DNAH5: variants seen among roughly 807,000 people sequenced by gnomAD.
The protein encoded by DNAH5 is axonemal beta dynein heavy chain 5.
A neutral mutation model predicts 518.2 loss-of-function variants in DNAH5; 372 were observed. The observed-to-expected ratio is 0.72, with a 90% CI of 0.66 to 0.78. The LOEUF is 0.78. DNAH5 is among the 30% of genes least tolerant of loss of function. DNAH5 has a pLI of 0.00. For synonymous variants in DNAH5, 2,039 were observed against 2,025.9 expected (o/e 1.01, Z -0.17); for missense variants, 5,523 against 5,687.0 (o/e 0.97, Z 0.93).
At chr5:13,747,864 C>T (rs1421060211) in intron 65 of DNAH5, among the ~76,000 whole-genome samples, 1 of 152,174 alleles carries the variant, frequency 6.6e-6, no homozygotes, top group South Asian at 2.1e-4. Context: ...GTTTCTTTTG[C>T]TGTGCAGAAG....
At position 13,692,035 on chromosome 5, in the gene DNAH5, G is replaced by A; in HGVS notation, c.13824C>T (p.Thr4608=). 1 of 1,614,080 alleles carries A rather than the reference G, an allele frequency of 6.2e-7. No individual in the cohort carries two copies. Among genetic ancestry groups the A allele is most frequent in the Non-Finnish European group, 8.5e-7 (1 of 1,179,998 alleles). The change falls in exon 79 of 79, where the codon ACC becomes ACT. Residue 4608 remains threonine (T), a synonymous_variant. Transcript: ENST00000265104. ...IAAVDLRTAQ[T]PEHWVLRGVA... The stretch of plus-strand genomic sequence containing the variant: ...CCCCACGGAGCACCCAGTGTTCAGG[G>A]GTCTGGGCTGTCCTGAGATCCACAG...
chr5:13,893,167 A>T (rs1282266094), intron 16 of DNAH5, among the ~76,000 whole-genome samples: 6 of 152,222 alleles, frequency 3.9e-5, no homozygotes, highest in African/African-American at 1.4e-4. Context: ...CAAGCTCTTG[A>T]CAATTTACAT....
At chr5:13,773,738 A>G (rs1374679640) in intron 55 of DNAH5, among the ~76,000 whole-genome samples, 1 of 152,200 alleles carries the variant, frequency 6.6e-6, no homozygotes, top group Non-Finnish European at 1.5e-5. Context: ...AATCCCAAGA[A>G]GAAAAAGCAC....
intron 44 of DNAH5, among the ~76,000 whole-genome samples, chr5:13,810,773 CAAAA>C (rs890785984): frequency 6.8e-6 from 1 of 146,648 alleles, no homozygotes; most frequent in Non-Finnish European, 1.5e-5. Context: ...AACAAACAAA[CAAAA>C]AAACAGGGTT....
At chr5:13,943,133 T>A (rs556347579) in intron 1 of DNAH5, among the ~76,000 whole-genome samples, 2 of 152,286 alleles carry the variant, frequency 1.3e-5, no homozygotes, top group African/African-American at 2.4e-5. Context: ...ATACCTGAGA[T>A]TTTATCATCA....
At chr5:13,853,526 C>T (rs540972136) in intron 30 of DNAH5, among the ~76,000 whole-genome samples, 4 of 151,976 alleles carry the variant, frequency 2.6e-5, no homozygotes, top group African/African-American at 4.8e-5. Context: ...ATGAGTTTGA[C>T]GAATTGACAG....
At chr5:13,947,314 G>A (rs868265919), upstream of DNAH5, among the ~76,000 whole-genome samples, 6 of 151,972 alleles carry the variant, frequency 3.9e-5, no homozygotes, top group Non-Finnish European at 8.8e-5. Flanking sequence ...TTGAAGCCTC[G>A]TATGTACATC....
intron 53 of DNAH5, among the ~76,000 whole-genome samples, chr5:13,778,220 A>G (rs145723660): frequency 4.5e-4 from 68 of 152,202 alleles, no homozygotes; most frequent in African/African-American, 1.5e-3. Flanking sequence ...TATCACAACT[A>G]TGCATCAATA....
chr5:13,762,873 T>A lies in DNAH5; in HGVS notation c.10130A>T (p.Glu3377Val). The change falls in exon 60 of 79, where the codon GAG becomes GTG. Residue 3377 changes from glutamate (E) to valine (V), a missense_variant. By Grantham distance (121) the Glu-to-Val change is moderately radical (BLOSUM62 -2). Transcript: ENST00000265104. Reference protein sequence around the residue: ...QQFPKDTINEEVIEFLSPYFE... With the variant: ...QQFPKDTINEVVIEFLSPYFE... ...GTAAGGACTCAAAAATTCTATCACC[T>A]CTTCATTGATTGTGTCTTTTGGGAA... 6.2e-7 allele frequency: 1 copy of A among 1,613,892 alleles called. No homozygotes were observed. Among genetic ancestry groups the A allele is most frequent in the Non-Finnish European group, 8.5e-7 (1 of 1,179,808 alleles).
intron 1 of DNAH5, among the ~76,000 whole-genome samples, chr5:14,009,651 G>A (rs918874194): frequency 6.6e-6 from 1 of 152,228 alleles, no homozygotes; most frequent in African/African-American, 2.4e-5. Context: ...AGGAAACAGA[G>A]GAGGACTGGG....
At chr5:13,884,673 C>T (rs1454332317) in intron 19 of DNAH5, among the ~76,000 whole-genome samples, 1 of 152,158 alleles carries the variant, frequency 6.6e-6, no homozygotes, top group Non-Finnish European at 1.5e-5. Context: ...CCTGTCTCTA[C>T]TAAAATACAA....
chr5:13,734,641 A>C (rs1190768786), intron 68 of DNAH5, among the ~76,000 whole-genome samples: 3 of 151,970 alleles, frequency 2.0e-5, no homozygotes, highest in Non-Finnish European at 2.9e-5. Flanking sequence ...TCTTCCCTAA[A>C]TGTTCCCATG....
At chr5:13,693,595 C>T (rs1480934247) in intron 78 of DNAH5, among the ~76,000 whole-genome samples, 1 of 152,186 alleles carries the variant, frequency 6.6e-6, no homozygotes, top group Non-Finnish European at 1.5e-5. Flanking sequence ...TATCTGAAGA[C>T]ATTTTTGGTT....
intron 38 of DNAH5, among the ~76,000 whole-genome samples, chr5:13,826,363 G>A (rs563573697): frequency 4.8e-4 from 73 of 152,294 alleles, no homozygotes; most frequent in Non-Finnish European, 8.4e-4. Flanking sequence ...TGAAAGATAA[G>A]TGATATGGTT....
intron 47 of DNAH5, 50 bp downstream of exon 47, chr5:13,807,541 A>G: frequency 1.3e-6 from 2 of 1,590,412 alleles, no homozygotes; most frequent in East Asian, 2.3e-5. Context: ...TTGAGCCTCC[A>G]AAGTTTATCA....
At chr5:13,854,644 A>G (rs2151891554) in intron 30 of DNAH5, among the ~76,000 whole-genome samples, 1 of 152,320 alleles carries the variant, frequency 6.6e-6, no homozygotes, top group South Asian at 2.1e-4. Flanking sequence ...AAAGACACAC[A>G]TAGGCTCAAA....
intron 71 of DNAH5, among the ~76,000 whole-genome samples, chr5:13,720,375 C>A (rs1444643184): frequency 6.6e-6 from 1 of 152,114 alleles, no homozygotes; most frequent in African/African-American, 2.4e-5. Context: ...GAACCCTGAC[C>A]TGAGTTTCCT....
chr5:13,864,372 A>G lies in DNAH5; in HGVS notation c.4596+25T>C, dbSNP rs1380727409. On this transcript the variant is annotated intron_variant, in intron 28 of 78. Transcript: ENST00000265104. ...TCAAATAAATCCCATGAGACCTTGC[A>G]ATCTTCCATCACATCATACTCTACC... 5.0e-6 allele frequency: 8 copies of G among 1,612,880 alleles called. No homozygotes were observed. The Admixed American group carries it at 1.3e-4, about 27-fold the overall frequency.
intron 1 of DNAH5, among the ~76,000 whole-genome samples, chr5:14,002,140 G>A (rs895951383): frequency 1.5e-5 from 2 of 130,788 alleles, no homozygotes; most frequent in East Asian, 2.3e-4. Flanking sequence ...CTCGTGATCC[G>A]CCTGCATCGG....
Sources: gnomAD v4.1 joint callset for allele counts (sites outside exome capture counted in the v4.1 genomes callset) on GRCh38, gnomAD v4.1.1 for gene constraint, MANE v1.5 for transcripts, NCBI Gene and HGNC (gene_info 2026-07-23, HGNC 2026-07-21) for gene names.